The following GPHN variants were observed in gnomAD, a reference collection of about 807,000 sequenced individuals.
The protein encoded by GPHN is gephyrin.
In GPHN, 17 loss-of-function variants were observed where a neutral mutation model predicts 95.5. The ratio of observed to expected loss-of-function variants is 0.18; its 90% CI spans 0.12 to 0.27. The LOEUF is 0.27. GPHN is among the 10% of genes least tolerant of loss of function. The pLI, the probability that GPHN is intolerant of heterozygous loss-of-function variation, is 1.00. For synonymous variants in GPHN, 320 were observed against 322.5 expected (o/e 0.99, Z 0.08); for missense variants, 660 against 978.1 (o/e 0.67, Z 4.34).
chr14:67,681,530 C>T, the GPHN span, among the ~76,000 whole-genome samples: 1 of 152,194 alleles, frequency 6.6e-6, no homozygotes, highest in Non-Finnish European at 1.5e-5. Flanking sequence ...TGCCTATAAT[C>T]CCAGCACTTT....
At chr14:67,179,164 C>T (rs191350367) in intron 21 of GPHN, among the ~76,000 whole-genome samples, 10 of 152,168 alleles carry the variant, frequency 6.6e-5, no homozygotes, top group South Asian at 2.1e-4. Flanking sequence ...GTGGCAGGAT[C>T]GCTTGAGCCC....
rs2063576223 is a variant in GPHN at position 66,874,684 on chromosome 14, A to G, written c.295-5255A>G. On this transcript the variant is annotated intron_variant, in intron 4 of 22. Transcript: ENST00000478722. ...AGATTGAAGATCAAATTAATGAAAT[A>G]AAGCATGAAGACAAGATTAAAGAAA... is the stretch of plus-strand genomic sequence containing the variant. Among the ~76,000 whole-genome samples, 7 of 152,336 alleles carry G rather than the reference A, an allele frequency of 4.6e-5. No individual in the cohort carries two copies. In the South Asian group the frequency reaches 1.4e-3, roughly 32 times the overall value.
chr14:66,799,179 G>C (rs982951181), intron 3 of GPHN, among the ~76,000 whole-genome samples: 3 of 151,684 alleles, frequency 2.0e-5, no homozygotes, highest in African/African-American at 7.3e-5. Flanking sequence ...CAGAGAAGAT[G>C]CTTGATATTA....
At chr14:67,735,014 C>T in the GPHN span, among the ~76,000 whole-genome samples, 1 of 152,190 alleles carries the variant, frequency 6.6e-6, no homozygotes, top group African/African-American at 2.4e-5. Context: ...TATTTTAAAT[C>T]TGAAAGTTTC....
At chr14:67,718,727 C>G in the GPHN span, among the ~76,000 whole-genome samples, 1 of 152,174 alleles carries the variant, frequency 6.6e-6, no homozygotes, top group Admixed American at 6.5e-5. Flanking sequence ...GATTGAAAAT[C>G]CCTAAAGAGC....
At chr14:67,540,072 C>T in the GPHN span, among the ~76,000 whole-genome samples, 2 of 152,064 alleles carry the variant, frequency 1.3e-5, no homozygotes, top group African/African-American at 2.4e-5. Context: ...GGCCATGTGG[C>T]TCCTGAGGAA....
At chr14:66,860,516 A>G (rs1314206895) in intron 4 of GPHN, among the ~76,000 whole-genome samples, 1 of 152,044 alleles carries the variant, frequency 6.6e-6, no homozygotes, top group Non-Finnish European at 1.5e-5. Context: ...AAAGAAAAGG[A>G]TGCTAATGAG....
intron 8 of GPHN, among the ~76,000 whole-genome samples, chr14:66,945,685 C>G: frequency 6.6e-6 from 1 of 152,132 alleles, no homozygotes; most frequent in East Asian, 1.9e-4. Context: ...AGACATTTCT[C>G]AAAGAAGATT....
the GPHN span, among the ~76,000 whole-genome samples, chr14:67,458,497 G>A: frequency 6.6e-6 from 1 of 152,248 alleles, no homozygotes; most frequent in South Asian, 2.1e-4. Context: ...GTAACATATT[G>A]TTCTTTCTAA....
chr14:67,557,340 G>T, the GPHN span: 10 of 1,613,894 alleles, frequency 6.2e-6, 1 homozygote, highest in South Asian at 1.1e-4. Flanking sequence ...GCCTGCACCG[G>T]AAATACCAAG....
At chr14:66,599,391 C>CTTTTTTTTTTTTTTTTTTT (rs1566679513) in intron 1 of GPHN, among the ~76,000 whole-genome samples, 1 of 74,042 alleles carries the variant, frequency 1.4e-5, no homozygotes, top group African/African-American at 1.6e-4. Flanking sequence ...TTTTTTTTTG[C>CTTTTTTTTTTTTTTTTTTT]ATTTTTTTTT....
the GPHN span, among the ~76,000 whole-genome samples, chr14:67,469,903 A>C: frequency 6.6e-6 from 1 of 152,182 alleles, no homozygotes; most frequent in African/African-American, 2.4e-5. Context: ...GAGATGTCTC[A>C]GGTCATGGCT....
chr14:67,084,916 G>C (rs112483566), intron 11 of GPHN, among the ~76,000 whole-genome samples: 6 of 152,318 alleles, frequency 3.9e-5, no homozygotes, highest in African/African-American at 1.4e-4. Context: ...TCAGAAACTG[G>C]ACATTTGTCA....
At chr14:67,662,662 T>C in the GPHN span, 123 of 851,302 alleles carry the variant, frequency 1.4e-4, no homozygotes, top group Admixed American at 1.3e-4. Flanking sequence ...TCCCAGCACT[T>C]TGGGAGGCCA....
chr14:67,625,450 A>T, the GPHN span, among the ~76,000 whole-genome samples: 15 of 152,040 alleles, frequency 9.9e-5, no homozygotes, highest in Non-Finnish European at 2.1e-4. Context: ...AGGCTGAGGC[A>T]GGCGGATCAC....
chr14:67,574,991 C>G, the GPHN span, among the ~76,000 whole-genome samples: 1 of 152,216 alleles, frequency 6.6e-6, no homozygotes, highest in Non-Finnish European at 1.5e-5. The surrounding 1 kb of genome is among the most constrained non-coding windows in gnomAD (Gnocchi z 4.2). Flanking sequence ...TGTCATTCTC[C>G]TTCGCCCGTG....
chr14:67,104,508 G>C (rs1015292209), intron 13 of GPHN, among the ~76,000 whole-genome samples: 1 of 152,086 alleles, frequency 6.6e-6, no homozygotes, highest in South Asian at 2.1e-4. Flanking sequence ...TTCAGTGGGA[G>C]ACTTTATTAC....
chr14:66,912,546 C>T lies in GPHN; in HGVS notation c.390-3457C>T, dbSNP rs540078983. ...AAAATAAACTAAGAATGAGTCAACT[C>T]GTATTTAGTGTTTTTTGTTATCAGA... is the stretch of plus-strand genomic sequence containing the variant. On this transcript the variant is annotated intron_variant, in intron 5 of 22. Transcript: ENST00000478722. Among the ~76,000 whole-genome samples the T allele has an allele frequency of 4.6e-5, 7 of 152,146 alleles. No individual in the cohort carries two copies. In the East Asian group the frequency reaches 7.7e-4, roughly 17 times the overall value.
intron 18 of GPHN, among the ~76,000 whole-genome samples, chr14:67,158,394 G>C (rs1250600303): frequency 2.0e-5 from 3 of 151,786 alleles, no homozygotes; most frequent in Non-Finnish European, 2.9e-5. Flanking sequence ...ATTTATCTCA[G>C]AGGATCTCTG....
Sources: gnomAD v4.1 joint callset for allele counts (sites outside exome capture counted in the v4.1 genomes callset) on GRCh38, gnomAD v4.1.1 for gene constraint, Gnocchi (gnomAD v3.1) non-coding constraint, MANE v1.5 for transcripts, NCBI Gene and HGNC (gene_info 2026-07-23, HGNC 2026-07-21) for gene names.